CAPN5: variants seen among roughly 807,000 people sequenced by gnomAD.
CAPN5 encodes calpain-5.
In CAPN5, 54 loss-of-function variants were observed where a neutral mutation model predicts 73.0. The ratio of observed to expected loss-of-function variants is 0.74; its 90% CI spans 0.59 to 0.93. The LOEUF (loss-of-function observed/expected upper bound fraction) is 0.93. CAPN5 is among the 40% of genes least tolerant of loss of function. CAPN5 has a pLI of 0.00. For missense variants in CAPN5, 785 were observed against 882.9 expected, an observed-to-expected ratio of 0.89 and a Z score of 1.41; for synonymous variants, 335 against 356.9, an observed-to-expected ratio of 0.94 and a Z score of 0.69.
At chr11:77,085,745 G>A (rs1251059568) in intron 2 of CAPN5, among the ~76,000 whole-genome samples, 1 of 152,264 alleles carries the variant, frequency 6.6e-6, no homozygotes, top group East Asian at 1.9e-4. Context: ...CCCGATTCCT[G>A]GGTGTGAGGG....
chr11:77,120,817 G>A lies in CAPN5; in HGVS notation c.1395G>A (p.Glu465=), dbSNP rs781906070. ...RSVFLRTDQP[E]GRYVIIPTTF... ...TCTTCCTGCGCACCGACCAGCCCGA[G>A]GGCCGCTATGTCATCATCCCCACAA... is the stretch of plus-strand genomic sequence containing the variant. The change falls in exon 10 of 13, where the codon GAG becomes GAA. Residue 465 remains glutamate, a synonymous_variant. Coordinates refer to ENST00000648180, the MANE Select transcript of CAPN5 (RefSeq NM_004055.5). 6.2e-7 allele frequency: 1 copy of A among 1,614,176 alleles called. No homozygotes were observed. Among genetic ancestry groups the A allele is most frequent in the South Asian group, 1.1e-5 (1 of 91,078 alleles).
In CAPN5 at chr11:77,120,696, C is replaced by G. The variant is rs1203191687; in HGVS notation, c.1291-17C>G. 4 of 1,588,104 alleles carry G rather than the reference C, an allele frequency of 2.5e-6. No homozygotes were observed. The African/African-American group carries it at 5.4e-5, about 21-fold the overall frequency. ...GGGTGTGTCTCCGCGTGGCCCAGCCCCTCCCGCCTCCTGCAGGTGGAGGAG... is the reference window on the plus strand; with the variant it reads ...GGGTGTGTCTCCGCGTGGCCCAGCCGCTCCCGCCTCCTGCAGGTGGAGGAG... On this transcript the variant is annotated splice_polypyrimidine_tract_variant and intron_variant, in intron 9 of 12. Coordinates refer to ENST00000648180, the MANE Select transcript of CAPN5 (RefSeq NM_004055.5).
At chr11:77,115,139 C>T (rs1177500472) in intron 5 of CAPN5, among the ~76,000 whole-genome samples, 12 of 152,128 alleles carry the variant, frequency 7.9e-5, no homozygotes, top group Non-Finnish European at 1.5e-4. Context: ...TAAATATTCC[C>T]GAATATTTAA....
At chr11:77,082,007 C>A (rs782702588) in intron 1 of CAPN5, among the ~76,000 whole-genome samples, 2 of 152,024 alleles carry the variant, frequency 1.3e-5, no homozygotes, top group African/African-American at 2.4e-5. Context: ...CACATTGGAC[C>A]CTGGGATAGA....
Position 77,081,641 on chromosome 11 carries a change from G to A in CAPN5, c.-35-3211G>A, listed in dbSNP as rs527736147. Among the ~76,000 whole-genome samples, 43 of 152,310 alleles carry A rather than the reference G, an allele frequency of 2.8e-4. 1 individual carries two copies. In the South Asian group the frequency reaches 4.1e-3, roughly 15 times the overall value. On this transcript the variant is annotated intron_variant, in intron 1 of 12. Transcript: ENST00000648180. Reference sequence around the variant, plus strand: ...GTCTCTTCCAGACAAGGACCATGCAGACCAGTGAGGTAATGCGGCCTGCTC... The same window carrying A: ...GTCTCTTCCAGACAAGGACCATGCAAACCAGTGAGGTAATGCGGCCTGCTC...
In CAPN5 at chr11:77,112,693, G is replaced by A. The variant is rs1262649165; in HGVS notation, c.402G>A (p.Val134=). The change falls in exon 4 of 13, where the codon GTG becomes GTA. Residue 134 remains valine (V), a synonymous_variant. Transcript: ENST00000648180. ...HFWRFGEWVD[V]VIDDRLPTVN... Reference sequence around the variant, plus strand: ...GGCGCTTCGGGGAATGGGTGGACGTGGTCATCGATGACCGGCTGCCCACAG... The same window carrying A: ...GGCGCTTCGGGGAATGGGTGGACGTAGTCATCGATGACCGGCTGCCCACAG... 3 of 1,614,228 alleles carry A rather than the reference G, an allele frequency of 1.9e-6. No homozygotes were observed. The highest frequency in any genetic ancestry group is 2.5e-6 in the Non-Finnish European group (3 of 1,180,044).
At chr11:77,093,649 G>T (rs138374446) in intron 2 of CAPN5, 33 bp from the exon 3 acceptor site, 2 of 1,539,900 alleles carry the variant, frequency 1.3e-6, no homozygotes. Flanking sequence ...ATGCTCCTCC[G>T]CCCCTCACGC....
rs782761209 is a variant in CAPN5 at position 77,120,896 on chromosome 11, C to T, written c.1474C>T (p.Pro492Ser). The part of the protein sequence containing the change: ...EFLLRVFTDV[P>S]SNCRELRLDE... ...CCTGCTCCGAGTCTTCACTGATGTG[C>T]CCTCCAACTGCCGGTACTTGGGGGC... Residue 492 changes from proline (P) to serine (S), a missense_variant, in exon 10 of 13, where the codon CCC becomes TCC. By Grantham distance (74) the Pro-to-Ser change is moderately conservative (BLOSUM62 -1). Coordinates refer to ENST00000648180, the MANE Select transcript of CAPN5 (RefSeq NM_004055.5). 10 of 1,612,860 alleles carry T rather than the reference C, an allele frequency of 6.2e-6. No individual in the cohort carries two copies. Among genetic ancestry groups the T allele is most frequent in the Non-Finnish European group, 8.5e-6 (10 of 1,179,142 alleles).
At chr11:77,075,556 A>G (rs1245070983) in intron 1 of CAPN5, among the ~76,000 whole-genome samples, 1 of 152,214 alleles carries the variant, frequency 6.6e-6, no homozygotes, top group Non-Finnish European at 1.5e-5. Flanking sequence ...CCTTTAGGTC[A>G]GCCCACCTAG....
rs1555041566 is a variant in CAPN5, at chr11:77,115,505, C to G, written c.810C>G (p.Ala270=). 2.5e-6 allele frequency: 4 copies of G among 1,613,348 alleles called. No individual in the cohort carries two copies. Among genetic ancestry groups the G allele is most frequent in the Non-Finnish European group, 3.4e-6 (4 of 1,179,972 alleles). ...RKVRLGHGLL[A]FFKSEKLDMI... ...TGCGCCTGGGCCACGGCCTACTGGC[C>G]TTCTTCAAGTCAGAGAAGTTGGACA... The change falls in exon 6 of 13, where the codon GCC becomes GCG. Residue 270 remains alanine, a synonymous_variant. Transcript: ENST00000648180.
intron 7 of CAPN5, among the ~76,000 whole-genome samples, chr11:77,116,689 C>T (rs1394151636): frequency 2.0e-5 from 3 of 152,216 alleles, no homozygotes; most frequent in Non-Finnish European, 4.4e-5. Context: ...GGCACTGGGG[C>T]TATGCCCAGC....
rs148007059 is a variant in CAPN5, at chr11:77,115,939, A to G, written c.894-287A>G. Among the ~76,000 whole-genome samples the G allele has an allele frequency of 3.3e-3, 506 of 152,130 alleles. 6 individuals are homozygous for G. The highest frequency in any genetic ancestry group is 0.012 in the African/African-American group (481 of 41,502). On this transcript the variant is annotated intron_variant, in intron 6 of 12. Coordinates refer to ENST00000648180, the MANE Select transcript of CAPN5 (RefSeq NM_004055.5). The stretch of plus-strand genomic sequence containing the variant: ...GGAGTGGAGCCCAGGTGCTAAGTGA[A>G]GGAGCCCTCTTCACTGGGGGTCGCA...
In CAPN5 at chr11:77,119,082, A is replaced by C; in HGVS notation, c.1220A>C (p.Gln407Pro). Residue 407 changes from glutamine to proline, a missense_variant, in exon 9 of 13, where the codon CAG becomes CCG. By Grantham distance (76) the Gln-to-Pro change is moderately conservative. Coordinates refer to ENST00000648180, the MANE Select transcript of CAPN5 (RefSeq NM_004055.5). ...PEDEVLICIQQRPKRSTRREG... is the reference protein window; with the variant it reads ...PEDEVLICIQPRPKRSTRREG... ...GATGAAGTCCTGATCTGCATCCAGC[A>C]GCGGCCAAAGCGGTCTACGCGCCGG... The C allele has an allele frequency of 6.2e-7, 1 of 1,614,106 alleles. No homozygotes were observed.
At chr11:77,113,328 C>A (rs1046003643) in intron 4 of CAPN5, among the ~76,000 whole-genome samples, 1 of 152,250 alleles carries the variant, frequency 6.6e-6, no homozygotes, top group Non-Finnish European at 1.5e-5. Context: ...GTGCCCAACA[C>A]AGAGCCCAGC....
In CAPN5 at chr11:77,121,981, G is replaced by C. The variant is rs782163585; in HGVS notation, c.1535G>C (p.Cys512Ser). ...CCACACACCTGCTGGAGCTCCCTCT[G>C]TGGCTACCCCCAGCTGGTGACCCAG... ...EPPHTCWSSL[C>S]GYPQLVTQVH... The change falls in exon 11 of 13, where the codon TGT becomes TCT. Residue 512 changes from cysteine (C) to serine (S), a missense_variant. By Grantham distance (112) the Cys-to-Ser change is moderately radical. Coordinates refer to ENST00000648180, the MANE Select transcript of CAPN5 (RefSeq NM_004055.5). 1 of 1,563,662 alleles carries C rather than the reference G, an allele frequency of 6.4e-7. No individual in the cohort carries two copies. Among genetic ancestry groups the C allele is most frequent in the Non-Finnish European group, 8.7e-7 (1 of 1,153,598 alleles).
At position 77,124,244 on chromosome 11, in the gene CAPN5, C is replaced by T. The variant is rs559045384; in HGVS notation, c.*374C>T. 184 of 211,988 alleles carry T rather than the reference C, an allele frequency of 8.7e-4. No homozygotes were observed. Among genetic ancestry groups the T allele is most frequent in the Middle Eastern group, 1.8e-3 (1 of 548 alleles). 13.1% of individuals were successfully genotyped at this position (211,988 alleles called of 1,614,324 possible). On this transcript the variant is annotated 3_prime_UTR_variant, in exon 13 of 13. Coordinates refer to ENST00000648180, the MANE Select transcript of CAPN5 (RefSeq NM_004055.5). Reference sequence around the variant, plus strand: ...ATCCCCAAGCTCCGTTCTTGCCCCTCGTGTCCTAGGCCCAACCCAGCCTCC... The same window carrying T: ...ATCCCCAAGCTCCGTTCTTGCCCCTTGTGTCCTAGGCCCAACCCAGCCTCC...
At chr11:77,106,885 A>G (rs1234919139) in intron 3 of CAPN5, among the ~76,000 whole-genome samples, 3 of 152,234 alleles carry the variant, frequency 2.0e-5, no homozygotes, top group African/African-American at 4.8e-5. Context: ...GTGGTCCGAG[A>G]GAGCGGCCAT....
chr11:77,116,306 G>A lies in CAPN5; in HGVS notation c.971+3G>A, dbSNP rs1555041768. On this transcript the variant is annotated splice_donor_region_variant and intron_variant, in intron 7 of 12. Transcript: ENST00000648180. Reference sequence around the variant, plus strand: ...GTGCAGGACGACGGTGAGTTCTGGTGAGTGTGTATGTGCCCTGGGCGTCCG... The same window carrying A: ...GTGCAGGACGACGGTGAGTTCTGGTAAGTGTGTATGTGCCCTGGGCGTCCG... The A allele has an allele frequency of 6.2e-7, 1 of 1,612,090 alleles. No homozygotes were observed. Among genetic ancestry groups the A allele is most frequent in the Non-Finnish European group, 8.5e-7 (1 of 1,178,864 alleles).
chr11:77,106,816 C>A (rs1320858842), intron 3 of CAPN5, among the ~76,000 whole-genome samples: 1 of 152,222 alleles, frequency 6.6e-6, no homozygotes, highest in African/African-American at 2.4e-5. Flanking sequence ...GCATCCTAGG[C>A]CAGTGCCGAT....
Sources: allele counts gnomAD v4.1 joint callset (sites outside exome capture counted in the v4.1 genomes callset), GRCh38; gene constraint gnomAD v4.1.1; transcripts MANE v1.5; gene names NCBI Gene and HGNC (gene_info 2026-07-23, HGNC 2026-07-21).